DHRS7: variants seen among roughly 807,000 people sequenced by gnomAD.
The protein encoded by DHRS7 is dehydrogenase/reductase 7, also known as dehydrogenase/reductase SDR family member 7.
In DHRS7, 34 loss-of-function variants were observed where a neutral mutation model predicts 38.9. The observed-to-expected ratio is 0.87, with a 90% CI of 0.66 to 1.16. DHRS7 has a LOEUF of 1.16. DHRS7 is among the 50% of genes most tolerant of loss of function. The pLI, the probability that DHRS7 is intolerant of heterozygous loss-of-function variation, is 0.00. For missense variants in DHRS7, 421 were observed against 407.0 expected (o/e 1.03, Z -0.30); for synonymous variants, 158 against 153.1 (o/e 1.03, Z -0.24).
chr14:60,168,333 T>C (rs1896891999), upstream of DHRS7, among the ~76,000 whole-genome samples: 1 of 152,202 alleles, frequency 6.6e-6, no homozygotes, highest in Non-Finnish European at 1.5e-5. Flanking sequence ...CTTCCCTTTA[T>C]ATATCTTGTC....
At chr14:60,154,200 C>T (rs1327951720) in intron 2 of DHRS7, 135 bp from the exon 3 acceptor site, 25 of 649,388 alleles carry the variant, frequency 3.8e-5, no homozygotes, top group South Asian at 1.1e-4. Flanking sequence ...AAGTTCCTCT[C>T]GGTGGTCAGG....
At position 60,149,375 on chromosome 14, in the gene DHRS7, A is replaced by G. The variant is rs371048157; in HGVS notation, c.950T>C (p.Ile317Thr). Residue 317 changes from isoleucine (I) to threonine (T), a missense_variant, in exon 6 of 7, where the codon ATT becomes ACT. Transcript: ENST00000557185. ...WITNKMGKKR[I>T]ENFKSGVDAD... ...TACCACACCACTCTTAAAGTTCTCA[A>G]TCCTTTTCTTCCCCATCTTGTTGGT... The G allele has an allele frequency of 1.2e-4, 186 of 1,614,172 alleles. 1 individual carries two copies. The East Asian group carries it at 2.0e-3, about 17-fold the overall frequency.
At chr14:60,158,486 AG>A (rs1896702445) in intron 1 of DHRS7, among the ~76,000 whole-genome samples, 1 of 152,222 alleles carries the variant, frequency 6.6e-6, no homozygotes, top group African/African-American at 2.4e-5. Flanking sequence ...TTAGAAACAC[AG>A]GATTTACTAA....
Position 60,146,681 on chromosome 14 carries a change from C to CTG in DHRS7, c.973-1670_973-1669dup, listed in dbSNP as rs1896414364. 1 of 134,652 alleles carries CTG rather than the reference C, an allele frequency of 7.4e-6. No individual in the cohort carries two copies. The highest frequency in any genetic ancestry group is 2.6e-4 in the South Asian group (1 of 3,868). 8.3% of individuals were successfully genotyped at this position (134,652 alleles called of 1,614,324 possible). On this transcript the variant is annotated intron_variant, in intron 6 of 6. Coordinates refer to ENST00000557185, the MANE Select transcript of DHRS7 (RefSeq NM_016029.4). This position sits in a 1 kb window ranked among gnomAD's most constrained non-coding sequence, Gnocchi z 4.9. ...GGATAAAGAAAATGTGTGTGTGTGT[C>CTG]TGTGTGTGTATATATATATATGGAA...
intron 2 of DHRS7, among the ~76,000 whole-genome samples, chr14:60,154,960 T>C (rs958648250): frequency 3.3e-5 from 5 of 151,882 alleles, no homozygotes; most frequent in Non-Finnish European, 7.4e-5. Flanking sequence ...GTTGCCCTGC[T>C]GAGCACTACT....
At chr14:60,168,900 G>A (rs1249630591), upstream of DHRS7, 1 of 992,866 alleles carries the variant, frequency 1.0e-6, no homozygotes, top group African/African-American at 1.7e-5. Context: ...ATTGAAAGTG[G>A]TTAGTCTAAC....
At chr14:60,163,209 T>TAATAAGCATATGACTA (rs71451093) in intron 1 of DHRS7, among the ~76,000 whole-genome samples, 28,524 of 151,620 alleles carry the variant, frequency 0.19, 3,469 homozygotes, top group East Asian at 0.45. Flanking sequence ...ACTCCTTAGT[T>TAATAAGCATATGACTA]AATAAGCATA....
chr14:60,168,855 T>C, upstream of DHRS7: 1 of 1,346,654 alleles, frequency 7.4e-7, no homozygotes. Context: ...AAGCATAAGG[T>C]CAGAGGAGAA....
upstream of DHRS7, chr14:60,166,339 C>A (rs1272473378): frequency 1.8e-5 from 17 of 924,820 alleles, no homozygotes; most frequent in South Asian, 8.0e-4. Context: ...CGACCTGTGG[C>A]CAAATGGAGA....
In DHRS7 at chr14:60,148,650, C is replaced by T. The variant is rs1185511509; in HGVS notation, c.972+703G>A. The stretch of plus-strand genomic sequence containing the variant: ...CACAGTAAGTGCTTTGACAGGAAAG[C>T]ATAGGGGCTGAGGTGCACTTGGTCC... On this transcript the variant is annotated intron_variant, in intron 6 of 6. Transcript: ENST00000557185. The surrounding 1 kb of genome is among the most constrained non-coding windows in gnomAD (Gnocchi z 4.8). Among the ~76,000 whole-genome samples the T allele has an allele frequency of 2.6e-5, 4 of 152,194 alleles. No individual in the cohort carries two copies. In the East Asian group the frequency reaches 7.7e-4, roughly 29 times the overall value.
chr14:60,161,064 A>G lies in DHRS7; in HGVS notation c.133+4113T>C, dbSNP rs1393902567. Among the ~76,000 whole-genome samples, 1 of 152,242 alleles carries G rather than the reference A, an allele frequency of 6.6e-6. No individual in the cohort carries two copies. Among genetic ancestry groups the G allele is most frequent in the Non-Finnish European group, 1.5e-5 (1 of 68,044 alleles). On this transcript the variant is annotated intron_variant, in intron 1 of 6. Coordinates refer to ENST00000557185, the MANE Select transcript of DHRS7 (RefSeq NM_016029.4). This position sits in a 1 kb window ranked among gnomAD's most constrained non-coding sequence, Gnocchi z 4.2. The stretch of plus-strand genomic sequence containing the variant: ...TGTACACTTATTGATAATCTTGCTC[A>G]GTTTTATCCTGCTTGTTCTCCCAGA...
rs1050723754 is a variant in DHRS7 at position 60,165,057 on chromosome 14, G to A, written c.133+120C>T. Reference sequence around the variant, plus strand: ...TGCGTAAGGGGCAGCCGGGCCTTCGGGAAGCTCCACGCAACCCACAAAGGA... The same window carrying A: ...TGCGTAAGGGGCAGCCGGGCCTTCGAGAAGCTCCACGCAACCCACAAAGGA... On this transcript the variant is annotated intron_variant, in intron 1 of 6. Transcript: ENST00000557185. This position sits in a 1 kb window ranked among gnomAD's most constrained non-coding sequence, Gnocchi z 4.6. The A allele has an allele frequency of 1.5e-6, 2 of 1,332,340 alleles. No homozygotes were observed. Among genetic ancestry groups the A allele is most frequent in the African/African-American group, 1.5e-5 (1 of 68,790 alleles). The allele number at this position is 1,332,340 out of a possible 1,614,324, so 82.5% of individuals were successfully genotyped here.
chr14:60,150,965 C>G (rs1051044666), intron 4 of DHRS7, among the ~76,000 whole-genome samples: 1 of 152,120 alleles, frequency 6.6e-6, no homozygotes, highest in Admixed American at 6.6e-5. Flanking sequence ...CCTCTCCCCA[C>G]TCCAAAAGGG....
In DHRS7 at chr14:60,161,574, C is replaced by T. The variant is rs1896764972; in HGVS notation, c.133+3603G>A. Among the ~76,000 whole-genome samples, 1 of 152,188 alleles carries T rather than the reference C, an allele frequency of 6.6e-6. No homozygotes were observed. The highest frequency in any genetic ancestry group is 2.4e-5 in the African/African-American group (1 of 41,436). On this transcript the variant is annotated intron_variant, in intron 1 of 6. Coordinates refer to ENST00000557185, the MANE Select transcript of DHRS7 (RefSeq NM_016029.4). The surrounding 1 kb of genome is among the most constrained non-coding windows in gnomAD (Gnocchi z 4.2). ...CTATCCAATTTCTGCCACCTTCCCT[C>T]ACATGACATGGTATCAGGTTTCCTC...
At position 60,153,273 on chromosome 14, in the gene DHRS7, A is replaced by G; in HGVS notation, c.394-95T>C. Reference sequence around the variant, plus strand: ...GATGGTTGGTTATTTTGTTAACTTAAAGAATCAATGGAACAATGGTATATT... The same window carrying G: ...GATGGTTGGTTATTTTGTTAACTTAGAGAATCAATGGAACAATGGTATATT... On this transcript the variant is annotated intron_variant, in intron 3 of 6. Transcript: ENST00000557185. This position sits in a 1 kb window ranked among gnomAD's most constrained non-coding sequence, Gnocchi z 4.4. 7.2e-7 allele frequency: 1 copy of G among 1,386,066 alleles called. No homozygotes were observed. Among genetic ancestry groups the G allele is most frequent in the South Asian group, 1.3e-5 (1 of 77,012 alleles). 85.9% of individuals were successfully genotyped at this position (1,386,066 alleles called of 1,614,324 possible). A position where few individuals can be genotyped will look rare whatever the true frequency, so the allele number is the denominator to read the frequency against.
chr14:60,149,329 AAGAAACTT>A lies in DHRS7; in HGVS notation c.972+16_972+23del. The A allele has an allele frequency of 1.9e-6, 3 of 1,606,440 alleles. No individual in the cohort carries two copies. The highest frequency in any genetic ancestry group is 2.6e-6 in the Non-Finnish European group (3 of 1,173,116). ...TCCTGCAAGATTGGTACATACTATT[AAGAAACTT>A]AGAAATTGGTCTTACCACACCACTC... On this transcript the variant is annotated intron_variant, in intron 6 of 6. Coordinates refer to ENST00000557185, the MANE Select transcript of DHRS7 (RefSeq NM_016029.4).
At chr14:60,156,990 C>T (rs1328480734) in intron 1 of DHRS7, among the ~76,000 whole-genome samples, 1 of 152,182 alleles carries the variant, frequency 6.6e-6, no homozygotes, top group Non-Finnish European at 1.5e-5. Context: ...TCTCTGAACC[C>T]GTAAAGTCAC....
At chr14:60,156,975 C>A (rs895844259) in intron 1 of DHRS7, among the ~76,000 whole-genome samples, 1 of 152,216 alleles carries the variant, frequency 6.6e-6, no homozygotes, top group Admixed American at 6.5e-5. Flanking sequence ...ATGATATTCA[C>A]TGTCTCTCTG....
intron 1 of DHRS7, chr14:60,159,236 T>G: frequency 7.9e-6 from 3 of 379,366 alleles, no homozygotes; most frequent in Non-Finnish European, 1.6e-5. Context: ...CAAGCTAAAA[T>G]CAGAAAACCA....
Sources: allele counts gnomAD v4.1 joint callset (sites outside exome capture counted in the v4.1 genomes callset), GRCh38; gene constraint gnomAD v4.1.1; non-coding constraint Gnocchi (gnomAD v3.1); transcripts MANE v1.5; gene names NCBI Gene and HGNC (gene_info 2026-07-23, HGNC 2026-07-21).